The following MCM5 variants were observed in gnomAD, a reference collection of about 807,000 sequenced individuals.
The protein encoded by MCM5 is DNA replication licensing factor MCM5.
In MCM5, 46 loss-of-function variants were observed where a neutral mutation model predicts 79.9. The ratio of observed to expected loss-of-function variants is 0.58; its 90% CI spans 0.45 to 0.74. MCM5 has a LOEUF of 0.74. Among genes scored for constraint, MCM5 ranks in the 30% least tolerant of loss-of-function variants. MCM5 has a pLI of 0.00. For missense variants in MCM5, 883 were observed against 1,017.0 expected (o/e 0.87, Z 1.79); for synonymous variants, 404 against 390.5 (o/e 1.03, Z -0.41).
chr22:35,400,714 G>C, intron 2 of MCM5, 109 bp downstream of exon 2: 1 of 1,228,578 alleles, frequency 8.1e-7, no homozygotes, highest in Non-Finnish European at 1.1e-6. Context: ...CCCAGACGGG[G>C]GAAAGAGCCG....
the MCM5 span, among the ~76,000 whole-genome samples, chr22:35,452,437 G>A: frequency 6.6e-6 from 1 of 152,228 alleles, no homozygotes; most frequent in African/African-American, 2.4e-5. Context: ...TGTGTCTGGA[G>A]CATGGAGCCG....
intron 14 of MCM5, among the ~76,000 whole-genome samples, chr22:35,420,632 G>A (rs572223749): frequency 3.7e-4 from 56 of 152,328 alleles, no homozygotes; most frequent in South Asian, 1.0e-3. Flanking sequence ...CTCTTAGTCC[G>A]AGATGGCCGC....
chr22:35,430,433 G>A, the MCM5 span, among the ~76,000 whole-genome samples: 20 of 152,174 alleles, frequency 1.3e-4, no homozygotes, highest in African/African-American at 4.6e-4. Context: ...TGTCTCAAAA[G>A]GTGTCAAAAG....
At chr22:35,443,185 A>G in the MCM5 span, among the ~76,000 whole-genome samples, 1 of 152,160 alleles carries the variant, frequency 6.6e-6, no homozygotes, top group Non-Finnish European at 1.5e-5. Context: ...AAGGTGCCCA[A>G]GGTGCAAAAA....
chr22:35,405,897 G>C (rs987115127), intron 4 of MCM5, among the ~76,000 whole-genome samples: 4 of 151,752 alleles, frequency 2.6e-5, no homozygotes, highest in African/African-American at 9.7e-5. Context: ...TGTAATCCCA[G>C]CTACTTGGGA....
chr22:35,408,702 T>C, intron 6 of MCM5, 139 bp downstream of exon 6: 1 of 815,718 alleles, frequency 1.2e-6, no homozygotes, highest in Non-Finnish European at 1.9e-6. Context: ...GCACCTGCTC[T>C]GTGCCTAATG....
chr22:35,438,583 CCATCCATCCATG>C, the MCM5 span, among the ~76,000 whole-genome samples: 1 of 145,710 alleles, frequency 6.9e-6, no homozygotes, highest in Non-Finnish European at 1.5e-5. Flanking sequence ...ATCCATCCAT[CCATCCATCCATG>C]CATCCACCCA....
Position 35,424,301 on chromosome 22 carries a change from C to G in MCM5, c.*46C>G. On this transcript the variant is annotated 3_prime_UTR_variant, in exon 17 of 17. Transcript: ENST00000216122. ...TCATGGACTCGCCCACGCCTCGCCC[C>G]TCCTGCCGCTGCCTGCCATTGACAA... 7.4e-7 allele frequency: 1 copy of G among 1,346,752 alleles called. No individual in the cohort carries two copies. Among genetic ancestry groups the G allele is most frequent in the Non-Finnish European group, 1.0e-6 (1 of 980,158 alleles). 83.4% of individuals were successfully genotyped at this position (1,346,752 alleles called of 1,614,324 possible).
At chr22:35,403,668 A>G in intron 4 of MCM5, 126 bp downstream of exon 4, 1 of 1,187,380 alleles carries the variant, frequency 8.4e-7, no homozygotes, top group Non-Finnish European at 1.2e-6. Context: ...CCTGGAGACA[A>G]AAGGATCGTT....
At position 35,403,240 on chromosome 22, in the gene MCM5, G is replaced by A. The variant is rs759149447; in HGVS notation, c.201G>A (p.Glu67=). Residue 67 remains glutamate, a synonymous_variant, in exon 3 of 17, where the codon GAG becomes GAA. Coordinates refer to ENST00000216122, the MANE Select transcript of MCM5 (RefSeq NM_006739.4). ...DELKRHYNLG[E]YWIEVEMEDL... is the part of the protein sequence containing the mutation. ...TCAAGCGGCATTACAACCTGGGGGAGTACTGGATTGAGGTGGAGATGGAGG... is the reference window on the plus strand; with the variant it reads ...TCAAGCGGCATTACAACCTGGGGGAATACTGGATTGAGGTGGAGATGGAGG... The A allele has an allele frequency of 1.2e-6, 2 of 1,614,156 alleles. No individual in the cohort carries two copies. Among genetic ancestry groups the A allele is most frequent in the Non-Finnish European group, 1.7e-6 (2 of 1,180,030 alleles).
chr22:35,443,956 C>T, the MCM5 span, among the ~76,000 whole-genome samples: 1 of 152,200 alleles, frequency 6.6e-6, no homozygotes, highest in Admixed American at 6.5e-5. Context: ...TTTACTTGGC[C>T]TCTCTATGCC....
the MCM5 span, among the ~76,000 whole-genome samples, chr22:35,438,892 T>TCCATCCATCC: frequency 2.2e-5 from 1 of 45,602 alleles, no homozygotes. Context: ...TCCATCCATC[T>TCCATCCATCC]ACATATCCAT....
At chr22:35,438,707 TCATCCATC>T in the MCM5 span, among the ~76,000 whole-genome samples, 17 of 70,584 alleles carry the variant, frequency 2.4e-4, no homozygotes, top group East Asian at 1.0e-3. Context: ...ACCCACATAT[TCATCCATC>T]CATCCATCCA....
At chr22:35,410,587 C>T in intron 6 of MCM5, 157 bp from the exon 7 acceptor site, 1 of 717,922 alleles carries the variant, frequency 1.4e-6, no homozygotes, top group Non-Finnish European at 2.5e-6. Context: ...AGAGGCCGTT[C>T]TCTGGGCTCC....
the MCM5 span, among the ~76,000 whole-genome samples, chr22:35,433,856 G>A: frequency 2.0e-5 from 3 of 152,248 alleles, no homozygotes; most frequent in South Asian, 2.1e-4. Context: ...AAGCCCTGTC[G>A]GGGGCAGCCA....
intron 5 of MCM5, among the ~76,000 whole-genome samples, chr22:35,407,744 A>G (rs534157489): frequency 6.6e-6 from 1 of 152,190 alleles, no homozygotes; most frequent in African/African-American, 2.4e-5. Flanking sequence ...CGTCTCTCCC[A>G]CACCTGCCTA....
At chr22:35,413,580 GA>G (rs1932450662) in intron 8 of MCM5, among the ~76,000 whole-genome samples, 1 of 152,202 alleles carries the variant, frequency 6.6e-6, no homozygotes, top group Non-Finnish European at 1.5e-5. Context: ...AAGCTGGGAG[GA>G]ACGTTGCTCA....
At chr22:35,416,608 TC>T in intron 11 of MCM5, 29 bp from the exon 12 acceptor site, 1 of 1,551,112 alleles carries the variant, frequency 6.4e-7, no homozygotes, top group Non-Finnish European at 8.8e-7. Context: ...TGCCATCTCC[TC>T]CCCCTTTTCG....
intron 6 of MCM5, chr22:35,409,467 G>A (rs570210026): frequency 6.6e-6 from 1 of 152,394 alleles, no homozygotes; most frequent in African/African-American, 2.4e-5. Context: ...CCAGCTACTT[G>A]GGAGGCTGAG....
Sources: allele counts gnomAD v4.1 joint callset (sites outside exome capture counted in the v4.1 genomes callset), GRCh38; gene constraint gnomAD v4.1.1; transcripts MANE v1.5; gene names NCBI Gene and HGNC (gene_info 2026-07-23, HGNC 2026-07-21).